TENT4A: variants seen among roughly 807,000 people sequenced by gnomAD.
The protein encoded by TENT4A is DNA polymerase kappa.
A neutral mutation model predicts 72.8 loss-of-function variants in TENT4A; 7 were observed. The ratio of observed to expected loss-of-function variants is 0.10; its 90% CI spans 0.05 to 0.18. The LOEUF is 0.18. Among genes scored for constraint, TENT4A ranks in the 10% least tolerant of loss-of-function variants. The pLI is 1.00. For synonymous variants in TENT4A, 456 were observed against 434.3 expected (o/e 1.05, Z -0.62); for missense variants, 831 against 1,017.7 (o/e 0.82, Z 2.50).
At chr5:6,754,713 T>G in intron 12 of TENT4A, 38 bp from the exon 13 acceptor site, 1 of 1,510,506 alleles carries the variant, frequency 6.6e-7, no homozygotes, top group Non-Finnish European at 9.0e-7. Context: ...TTGTGCCTGC[T>G]GTCTGGCTCC....
At chr5:6,735,477 C>G (rs1182956121) in intron 1 of TENT4A, among the ~76,000 whole-genome samples, 1 of 152,164 alleles carries the variant, frequency 6.6e-6, no homozygotes, top group Non-Finnish European at 1.5e-5. Flanking sequence ...TGTGGCTCTT[C>G]CCTGGGGTGG....
chr5:6,736,089 A>G (rs1741474932), intron 1 of TENT4A, among the ~76,000 whole-genome samples: 2 of 152,212 alleles, frequency 1.3e-5, no homozygotes, highest in South Asian at 4.1e-4. Context: ...AATGTGATAC[A>G]TAAAATTAGG....
At position 6,754,880 on chromosome 5, in the gene TENT4A, A is replaced by G. The variant is rs1331686041; in HGVS notation, c.2314A>G (p.Thr772Ala). ...CAGGGGACACCACCAGTATAACCGCACCGGCTGGAGGAGGAAAAAACACAC... is the reference window on the plus strand; with the variant it reads ...CAGGGGACACCACCAGTATAACCGCGCCGGCTGGAGGAGGAAAAAACACAC... ...GNRGHHQYNR[T>A]GWRRKKHTHT... The change falls in exon 13 of 13, where the codon ACC becomes GCC. Residue 772 changes from threonine to alanine, a missense_variant. Physicochemically the swap from Thr to Ala is moderately conservative, Grantham distance 58. Coordinates refer to ENST00000230859, the MANE Select transcript of TENT4A (RefSeq NM_006999.6). The G allele has an allele frequency of 6.2e-7, 1 of 1,607,264 alleles. No homozygotes were observed. The highest frequency in any genetic ancestry group is 8.5e-7 in the Non-Finnish European group (1 of 1,175,126).
At chr5:6,726,561 TAGG>T (rs1226610363) in intron 1 of TENT4A, among the ~76,000 whole-genome samples, 1 of 152,156 alleles carries the variant, frequency 6.6e-6, no homozygotes, top group East Asian at 1.9e-4. Flanking sequence ...CGTTTGCAGA[TAGG>T]AGCCACTGTT....
At chr5:6,715,413 T>C (rs1325861595) in intron 1 of TENT4A, among the ~76,000 whole-genome samples, 1 of 152,000 alleles carries the variant, frequency 6.6e-6, no homozygotes, top group African/African-American at 2.4e-5. Context: ...AAACGAAAGG[T>C]GGTGTGTGTT....
intron 12 of TENT4A, among the ~76,000 whole-genome samples, chr5:6,754,296 G>A (rs184594267): frequency 3.0e-4 from 46 of 152,306 alleles, no homozygotes; most frequent in African/African-American, 9.9e-4. Context: ...AGCTTCTTGA[G>A]TAGCTGGAAT....
chr5:6,742,802 A>G (rs1741879529), intron 5 of TENT4A, among the ~76,000 whole-genome samples: 1 of 152,232 alleles, frequency 6.6e-6, no homozygotes, highest in South Asian at 2.1e-4. Flanking sequence ...TTCCTGAGTA[A>G]CCATTTTATA....
At chr5:6,732,440 G>A (rs1294970827) in intron 1 of TENT4A, among the ~76,000 whole-genome samples, 1 of 152,162 alleles carries the variant, frequency 6.6e-6, no homozygotes, top group Admixed American at 6.5e-5. Flanking sequence ...AAATAGCTCA[G>A]TAAGTTGGGT....
intron 1 of TENT4A, among the ~76,000 whole-genome samples, chr5:6,730,127 TGGCATTTGC>T (rs1433847358): frequency 6.6e-6 from 1 of 152,156 alleles, no homozygotes; most frequent in East Asian, 1.9e-4. Flanking sequence ...GGACCTTGCA[TGGCATTTGC>T]AGCATTTGCA....
chr5:6,722,062 C>G (rs1740681181), intron 1 of TENT4A, among the ~76,000 whole-genome samples: 1 of 152,178 alleles, frequency 6.6e-6, no homozygotes, highest in Non-Finnish European at 1.5e-5. Flanking sequence ...GTCCATTTCT[C>G]AGCTTCGGGA....
intron 6 of TENT4A, 140 bp from the exon 7 acceptor site, chr5:6,746,074 C>G: frequency 6.6e-7 from 1 of 1,512,756 alleles, no homozygotes. Context: ...TTCAGGCTTC[C>G]TCGTGGTGCT....
At chr5:6,741,441 T>A (rs955941991) in intron 4 of TENT4A, among the ~76,000 whole-genome samples, 2 of 151,462 alleles carry the variant, frequency 1.3e-5, no homozygotes, top group African/African-American at 4.9e-5. Context: ...GTGCCAGGAG[T>A]GATTGTGGGA....
intron 1 of TENT4A, among the ~76,000 whole-genome samples, chr5:6,718,738 C>A: frequency 6.6e-6 from 1 of 152,192 alleles, no homozygotes; most frequent in East Asian, 1.9e-4. Flanking sequence ...CCAAGCTCCA[C>A]AAGGTGAAAT....
intron 1 of TENT4A, among the ~76,000 whole-genome samples, chr5:6,725,418 A>T (rs1023565444): frequency 3.9e-5 from 6 of 152,246 alleles, no homozygotes; most frequent in African/African-American, 1.4e-4. Flanking sequence ...GGGCCTGCCC[A>T]GTCTCCACAT....
rs975605166 is a variant in TENT4A at position 6,717,987 on chromosome 5, T to A, written c.716+3288T>A. Among the ~76,000 whole-genome samples the A allele has an allele frequency of 1.1e-4, 17 of 152,246 alleles. 1 individual carries two copies. The highest frequency in any genetic ancestry group is 3.3e-4 in the Admixed American group (5 of 15,290). On this transcript the variant is annotated intron_variant, in intron 1 of 12. Coordinates refer to ENST00000230859, the MANE Select transcript of TENT4A (RefSeq NM_006999.6). ...AAGAATGTAGTTGAACGAGGACACA[T>A]GCAGGTGTCCCGGGCCCTGAACAGC...
intron 2 of TENT4A, among the ~76,000 whole-genome samples, chr5:6,738,059 G>C (rs1741601748): frequency 6.6e-6 from 1 of 152,084 alleles, no homozygotes; most frequent in Admixed American, 6.5e-5. Context: ...TGTAAAACTT[G>C]GAAGTGTTCC....
intron 2 of TENT4A, 29 bp downstream of exon 2, chr5:6,737,662 G>A (rs369940829): frequency 9.3e-6 from 15 of 1,606,096 alleles, no homozygotes; most frequent in Middle Eastern, 1.7e-4. Flanking sequence ...GTTCTGTGTC[G>A]CACGTCACGT....
At chr5:6,725,041 G>A (rs1740839946) in intron 1 of TENT4A, among the ~76,000 whole-genome samples, 1 of 152,252 alleles carries the variant, frequency 6.6e-6, no homozygotes, top group Admixed American at 6.5e-5. Context: ...AGGAAAACAG[G>A]CTGGGTGCAA....
chr5:6,722,069 G>A (rs959769597), intron 1 of TENT4A, among the ~76,000 whole-genome samples: 4 of 152,044 alleles, frequency 2.6e-5, no homozygotes, highest in African/African-American at 9.7e-5. Flanking sequence ...TCTCAGCTTC[G>A]GGAGCCACGT....
Sources: gnomAD v4.1 joint callset for allele counts (sites outside exome capture counted in the v4.1 genomes callset) on GRCh38, gnomAD v4.1.1 for gene constraint, MANE v1.5 for transcripts, NCBI Gene and HGNC (gene_info 2026-07-23, HGNC 2026-07-21) for gene names.